The following MACROD1 variants were observed in gnomAD, a reference collection of about 807,000 sequenced individuals.
The protein encoded by MACROD1 is ADP-ribose glycohydrolase MACROD1.
In MACROD1, 31 loss-of-function variants were observed where a neutral mutation model predicts 41.4. That is an observed-to-expected ratio of 0.75 (90% CI 0.56 to 1.01). MACROD1 has a LOEUF of 1.01. MACROD1 is among the 50% of genes least tolerant of loss of function. The pLI is 0.00. For synonymous variants in MACROD1, 252 were observed against 203.4 expected (o/e 1.24, Z -2.03); for missense variants, 473 against 460.0 (o/e 1.03, Z -0.26).
At chr11:64,091,032 G>A (rs979106189) in intron 3 of MACROD1, among the ~76,000 whole-genome samples, 8 of 149,918 alleles carry the variant, frequency 5.3e-5, no homozygotes, top group Non-Finnish European at 1.2e-4. Flanking sequence ...GGAGGGAGGG[G>A]AGAAAGAAGA....
At chr11:64,110,449 GAA>G (rs754055496) in intron 3 of MACROD1, among the ~76,000 whole-genome samples, 5 of 132,294 alleles carry the variant, frequency 3.8e-5, no homozygotes, top group East Asian at 2.2e-4. Flanking sequence ...GACTGTCTCA[GAA>G]AAAAAAAAAA....
intron 3 of MACROD1, among the ~76,000 whole-genome samples, chr11:64,088,320 G>A (rs76899862): frequency 0.013 from 2,007 of 152,274 alleles, 51 homozygotes; most frequent in African/African-American, 0.046. Flanking sequence ...GTGGCCAGGC[G>A]GGGCCAGGGA....
chr11:64,016,938 G>C (rs1031657161), intron 3 of MACROD1, among the ~76,000 whole-genome samples: 2 of 152,194 alleles, frequency 1.3e-5, no homozygotes, highest in African/African-American at 2.4e-5. Context: ...TCTGGGTGGG[G>C]CCTGTGCCCA....
chr11:64,072,376 A>G (rs566009329), intron 3 of MACROD1, among the ~76,000 whole-genome samples: 2 of 152,318 alleles, frequency 1.3e-5, no homozygotes, highest in East Asian at 3.9e-4. Flanking sequence ...CCAGCAATGC[A>G]GGAATCCCAG....
At chr11:64,079,772 G>A (rs1944272380) in intron 3 of MACROD1, among the ~76,000 whole-genome samples, 1 of 152,120 alleles carries the variant, frequency 6.6e-6, no homozygotes, top group Non-Finnish European at 1.5e-5. Context: ...TAAGGAGGGA[G>A]AAGAAGGCAC....
chr11:64,022,739 C>T (rs530757300), intron 3 of MACROD1, among the ~76,000 whole-genome samples: 23 of 152,202 alleles, frequency 1.5e-4, no homozygotes, highest in Admixed American at 3.3e-4. Flanking sequence ...GTAGGGCGGC[C>T]CAGGTGGAAG....
chr11:64,024,547 C>G (rs1943200621), intron 3 of MACROD1, among the ~76,000 whole-genome samples: 1 of 152,258 alleles, frequency 6.6e-6, no homozygotes, highest in Non-Finnish European at 1.5e-5. Flanking sequence ...GGCCTCCCCT[C>G]TCCTGGGCGC....
intron 3 of MACROD1, among the ~76,000 whole-genome samples, chr11:64,099,959 G>A (rs553484671): frequency 6.6e-6 from 1 of 152,260 alleles, no homozygotes; most frequent in African/African-American, 2.4e-5. Flanking sequence ...AGAAGCCCAG[G>A]ACCCCTCAGT....
At chr11:64,070,039 A>G (rs1159202386) in intron 3 of MACROD1, among the ~76,000 whole-genome samples, 1 of 152,108 alleles carries the variant, frequency 6.6e-6, no homozygotes, top group African/African-American at 2.4e-5. Flanking sequence ...CCGCCAGACC[A>G]GGCTCTGTGC....
intron 3 of MACROD1, among the ~76,000 whole-genome samples, chr11:64,035,411 G>C (rs897583336): frequency 1.3e-5 from 2 of 152,144 alleles, no homozygotes; most frequent in African/African-American, 4.8e-5. Flanking sequence ...ATGAATGAAT[G>C]AATGGATGGC....
At chr11:64,001,164 C>T in intron 4 of MACROD1, 1 of 494,860 alleles carries the variant, frequency 2.0e-6, no homozygotes, top group Non-Finnish European at 3.6e-6. Flanking sequence ...AGCAGCCCAA[C>T]CTCGCCAGGG....
At chr11:64,132,855 C>T (rs1945284787) in intron 3 of MACROD1, among the ~76,000 whole-genome samples, 1 of 152,210 alleles carries the variant, frequency 6.6e-6, no homozygotes, top group Non-Finnish European at 1.5e-5. Flanking sequence ...CAGGGAGGTG[C>T]GGCAGGCTGG....
intron 3 of MACROD1, chr11:64,116,770 T>C (rs1944990539): frequency 1.9e-6 from 3 of 1,613,596 alleles, no homozygotes; most frequent in Non-Finnish European, 2.5e-6. Flanking sequence ...ACCGTCAGCA[T>C]TGAGGAGGAC....
At chr11:64,089,064 G>A (rs759910689) in intron 3 of MACROD1, among the ~76,000 whole-genome samples, 3 of 152,204 alleles carry the variant, frequency 2.0e-5, no homozygotes, top group Non-Finnish European at 4.4e-5. Flanking sequence ...CCCGCCGGCT[G>A]TCCTCCCTCC....
At chr11:64,051,437 C>G (rs1293435952) in intron 3 of MACROD1, among the ~76,000 whole-genome samples, 1 of 152,186 alleles carries the variant, frequency 6.6e-6, no homozygotes, top group Non-Finnish European at 1.5e-5. Context: ...GCGGACCCAC[C>G]CTCCCCAGGG....
chr11:64,117,395 C>A (rs267603093), intron 3 of MACROD1: 1 of 1,612,078 alleles, frequency 6.2e-7, no homozygotes, highest in Non-Finnish European at 8.5e-7. Flanking sequence ...GCGAGATGGA[C>A]GAGTGTTTTG....
chr11:64,080,898 T>G (rs922221926), intron 3 of MACROD1, among the ~76,000 whole-genome samples: 5 of 152,228 alleles, frequency 3.3e-5, no homozygotes, highest in African/African-American at 1.2e-4. Context: ...GGACTCGGGC[T>G]GCAGGCAGAC....
At chr11:64,042,818 C>A (rs1943513879) in intron 3 of MACROD1, among the ~76,000 whole-genome samples, 1 of 152,190 alleles carries the variant, frequency 6.6e-6, no homozygotes, top group African/African-American at 2.4e-5. Flanking sequence ...CCCTGAGACC[C>A]CCACCAGGCT....
At chr11:64,052,904 C>T (rs1202390232) in intron 3 of MACROD1, among the ~76,000 whole-genome samples, 1 of 152,238 alleles carries the variant, frequency 6.6e-6, no homozygotes, top group Non-Finnish European at 1.5e-5. Context: ...AGCTACCCTC[C>T]AGATAGGCAC....
Sources: gnomAD v4.1 joint callset for allele counts (sites outside exome capture counted in the v4.1 genomes callset) on GRCh38, gnomAD v4.1.1 for gene constraint, MANE v1.5 for transcripts, NCBI Gene and HGNC (gene_info 2026-07-23, HGNC 2026-07-21) for gene names.